The following SUSD6 variants were observed in gnomAD, a reference collection of about 807,000 sequenced individuals.
SUSD6 encodes the protein sushi domain containing 6.
A neutral mutation model predicts 28.4 loss-of-function variants in SUSD6; 16 were observed. The observed-to-expected ratio is 0.56, with a 90% CI of 0.38 to 0.86. SUSD6 has a LOEUF of 0.86. Ranked by LOEUF, SUSD6 falls within the 40% of genes least tolerant of loss-of-function variation. The pLI, the probability that SUSD6 is intolerant of heterozygous loss-of-function variation, is 0.00. For missense variants in SUSD6, 341 were observed against 384.2 expected, an observed-to-expected ratio of 0.89 and a Z score of 0.94; for synonymous variants, 147 against 159.6, an observed-to-expected ratio of 0.92 and a Z score of 0.59.
chr14:69,684,567 G>T (rs997056167), intron 2 of SUSD6, among the ~76,000 whole-genome samples: 1 of 152,242 alleles, frequency 6.6e-6, no homozygotes, highest in Non-Finnish European at 1.5e-5. Context: ...GTCAGAAAAT[G>T]AATGACAGTT....
chr14:69,644,674 G>C (rs763931491), intron 1 of SUSD6, among the ~76,000 whole-genome samples: 1 of 152,058 alleles, frequency 6.6e-6, no homozygotes, highest in Non-Finnish European at 1.5e-5. Context: ...TTCTCAGGAC[G>C]TGTCCTCATC....
intron 1 of SUSD6, among the ~76,000 whole-genome samples, chr14:69,652,214 A>G (rs571698403): frequency 2.6e-5 from 4 of 152,320 alleles, no homozygotes; most frequent in African/African-American, 9.6e-5. Context: ...GTAGAGGTCG[A>G]GACAGGCAGA....
At chr14:69,634,515 C>T (rs1885236370) in intron 1 of SUSD6, among the ~76,000 whole-genome samples, 1 of 152,198 alleles carries the variant, frequency 6.6e-6, no homozygotes, top group Non-Finnish European at 1.5e-5. Context: ...AACTTTTCCC[C>T]TCCATCTCCC....
At chr14:69,707,269 A>G (rs1886399640) in intron 4 of SUSD6, among the ~76,000 whole-genome samples, 1 of 152,220 alleles carries the variant, frequency 6.6e-6, no homozygotes, top group Non-Finnish European at 1.5e-5. Flanking sequence ...TAGGAAGTAT[A>G]TGTTAAATAA....
intron 1 of SUSD6, among the ~76,000 whole-genome samples, chr14:69,614,060 G>T (rs780287016): frequency 2.2e-4 from 34 of 152,200 alleles, no homozygotes; most frequent in Non-Finnish European, 4.0e-4. Context: ...TTGAACTTGT[G>T]TTCTTTTTTA....
At chr14:69,679,578 CTT>C (rs59195061) in intron 2 of SUSD6, among the ~76,000 whole-genome samples, 10 of 138,250 alleles carry the variant, frequency 7.2e-5, no homozygotes, top group African/African-American at 5.3e-5. Flanking sequence ...GTTTATTTTG[CTT>C]TTTTTTTTTT....
intron 1 of SUSD6, among the ~76,000 whole-genome samples, chr14:69,656,180 C>T (rs1205384371): frequency 6.7e-6 from 1 of 148,670 alleles, no homozygotes; most frequent in Admixed American, 6.7e-5. Flanking sequence ...CCCTATTCCT[C>T]CATTCTTCCC....
intron 2 of SUSD6, among the ~76,000 whole-genome samples, chr14:69,681,740 A>G (rs542041295): frequency 6.6e-6 from 1 of 152,312 alleles, no homozygotes; most frequent in African/African-American, 2.4e-5. Context: ...CTTGGCTCAC[A>G]TTGCAGTGAT....
chr14:69,692,797 T>TA (rs888186297), intron 2 of SUSD6, among the ~76,000 whole-genome samples: 3 of 152,146 alleles, frequency 2.0e-5, no homozygotes, highest in Non-Finnish European at 4.4e-5. Context: ...GCCAGACTCC[T>TA]AAGTCAGTTA....
chr14:69,622,486 T>C (rs1376052440), intron 1 of SUSD6, among the ~76,000 whole-genome samples: 1 of 152,168 alleles, frequency 6.6e-6, no homozygotes, highest in Non-Finnish European at 1.5e-5. Context: ...GGTTAGTCTC[T>C]TCTCCTCATA....
chr14:69,657,933 A>G (rs1270094011), intron 1 of SUSD6, among the ~76,000 whole-genome samples: 1 of 152,154 alleles, frequency 6.6e-6, no homozygotes, highest in African/African-American at 2.4e-5. Context: ...GGGACAGCCA[A>G]CATAATGTGG....
chr14:69,657,991 G>A (rs1264149934), intron 1 of SUSD6, among the ~76,000 whole-genome samples: 3 of 152,228 alleles, frequency 2.0e-5, no homozygotes, highest in Non-Finnish European at 2.9e-5. Context: ...CACGGCTGTC[G>A]AGTCAGGTCC....
chr14:69,627,393 C>G (rs1885129869), intron 1 of SUSD6, among the ~76,000 whole-genome samples: 1 of 152,162 alleles, frequency 6.6e-6, no homozygotes, highest in African/African-American at 2.4e-5. Flanking sequence ...ATGCTGCTAC[C>G]TTTTAGGGAC....
chr14:69,661,002 A>G (rs889406474), intron 2 of SUSD6, among the ~76,000 whole-genome samples: 3 of 152,218 alleles, frequency 2.0e-5, no homozygotes, highest in African/African-American at 7.2e-5. Flanking sequence ...TGTGAATGGA[A>G]TGACTGTCAG....
intron 2 of SUSD6, among the ~76,000 whole-genome samples, chr14:69,659,671 C>T (rs770086540): frequency 6.6e-6 from 1 of 152,204 alleles, no homozygotes; most frequent in Non-Finnish European, 1.5e-5. Context: ...GCTCATGCCA[C>T]CACACCTAGC....
At chr14:69,627,824 T>C (rs1278728621) in intron 1 of SUSD6, among the ~76,000 whole-genome samples, 1 of 152,186 alleles carries the variant, frequency 6.6e-6, no homozygotes, top group African/African-American at 2.4e-5. Flanking sequence ...TTTTAATCTT[T>C]TTACATGTAA....
intron 2 of SUSD6, among the ~76,000 whole-genome samples, chr14:69,668,211 T>C (rs576875921): frequency 2.9e-4 from 44 of 152,328 alleles, no homozygotes; most frequent in Non-Finnish European, 5.1e-4. Flanking sequence ...GGGGCTCTTC[T>C]GTGGAGAAAA....
intron 2 of SUSD6, among the ~76,000 whole-genome samples, chr14:69,676,727 T>A (rs1004860775): frequency 1.3e-5 from 2 of 152,164 alleles, no homozygotes; most frequent in African/African-American, 4.8e-5. Flanking sequence ...GATTCCCACA[T>A]ATTTTGCCCA....
chr14:69,644,903 G>A (rs1595039633), intron 1 of SUSD6, among the ~76,000 whole-genome samples: 1 of 152,292 alleles, frequency 6.6e-6, no homozygotes, highest in Middle Eastern at 3.4e-3. Flanking sequence ...TTGGCAGAGG[G>A]ACTTTGTACA....
Sources: gnomAD v4.1 joint callset for allele counts (sites outside exome capture counted in the v4.1 genomes callset) on GRCh38, gnomAD v4.1.1 for gene constraint, MANE v1.5 for transcripts, NCBI Gene and HGNC (gene_info 2026-07-23, HGNC 2026-07-21) for gene names.